GPR17: variants seen among roughly 807,000 people sequenced by gnomAD.
The protein encoded by GPR17 is uracil nucleotide/cysteinyl leukotriene receptor.
A neutral mutation model predicts 1.5 loss-of-function variants in GPR17; 4 were observed. The ratio of observed to expected loss-of-function variants is 2.73; its 90% confidence interval spans 1.35 to 6.25. The LOEUF is 6.25. Ranked by LOEUF, GPR17 falls within the 30% of genes most tolerant of loss-of-function variation. The pLI is 0.00. For synonymous variants in GPR17, 209 were observed against 207.6 expected, an observed-to-expected ratio of 1.01 and a Z score of -0.06; for missense variants, 463 against 462.1, an observed-to-expected ratio of 1.00 and a Z score of -0.02.
At position 127,647,784 on chromosome 2, in the gene GPR17, C is replaced by G. The variant is rs1396896209; in HGVS notation, c.-21+1540C>G. Among the ~76,000 whole-genome samples, 3 of 152,044 alleles carry G rather than the reference C, an allele frequency of 2.0e-5. No homozygotes were observed. The highest frequency in any genetic ancestry group is 4.4e-5 in the Non-Finnish European group (3 of 67,984). On this transcript the variant is annotated intron_variant, in intron 1 of 1. Transcript: ENST00000486700. The surrounding 1 kb of genome is among the most constrained non-coding windows in gnomAD (Gnocchi z 4.3). ...CCTCTCTGCTTGCCCATGCGTCTGC[C>G]CTGGAGCCCTGTTCCTCCAGTCTCC...
chr2:127,648,487 C>T (rs774015847), intron 1 of GPR17, among the ~76,000 whole-genome samples: 37 of 152,158 alleles, frequency 2.4e-4, no homozygotes, highest in Non-Finnish European at 4.4e-4. Flanking sequence ...ACCATGCCTG[C>T]TTCTCCTCCA....
rs1683606555 is a variant in GPR17 at position 127,650,382 on chromosome 2, C to T, written c.-20-334C>T. The stretch of plus-strand genomic sequence containing the variant: ...CAGAACAGAAAACCCAGAGCCTCAC[C>T]CAGGCAAGGCTCACGTCCCATTCCC... On this transcript the variant is annotated intron_variant, in intron 1 of 1. Coordinates refer to ENST00000486700, the MANE Select transcript of GPR17 (RefSeq NM_001161417.2). The T allele has an allele frequency of 5.6e-6, 3 of 532,388 alleles. No individual in the cohort carries two copies. In the South Asian group the frequency reaches 7.3e-5, roughly 13 times the overall value. 33.0% of individuals were successfully genotyped at this position (532,388 alleles called of 1,614,324 possible).
Position 127,651,550 on chromosome 2 carries a change from A to T in GPR17, c.815A>T (p.Gln272Leu). 1 of 1,612,638 alleles carries T rather than the reference A, an allele frequency of 6.2e-7. No individual in the cohort carries two copies. Among genetic ancestry groups the T allele is most frequent in the African/African-American group, 1.3e-5 (1 of 75,078 alleles). The change falls in exon 2 of 2, where the codon CAG (glutamine) becomes CTG (leucine). Residue 272 changes from glutamine (Q) to leucine (L), a missense_variant. Gln to Leu is a moderately radical substitution (Grantham distance 113). Transcript: ENST00000486700. Reference sequence around the variant, plus strand: ...AGCCATGGGGCCTCCTGCGCCACCCAGCGCATCCTGGCCCTGGCAAACCGC... The same window carrying T: ...AGCCATGGGGCCTCCTGCGCCACCCTGCGCATCCTGGCCCTGGCAAACCGC... ...YRSHGASCAT[Q>L]RILALANRIT...
Position 127,651,594 on chromosome 2 carries a change from A to G in GPR17, c.859A>G (p.Ser287Gly). 1.2e-6 allele frequency: 2 copies of G among 1,613,356 alleles called. No individual in the cohort carries two copies. The highest frequency in any genetic ancestry group is 1.7e-6 in the Non-Finnish European group (2 of 1,180,028). ...AAACCGCATCACCTCCTGCCTCACC[A>G]GCCTCAACGGGGCACTCGACCCCAT... ...LANRITSCLT[S>G]LNGALDPIMY... The change falls in exon 2 of 2, where the codon AGC becomes GGC. Residue 287 changes from serine (S) to glycine (G), a missense_variant. Transcript: ENST00000486700.
rs767012328 is a variant in GPR17 at position 127,650,080 on chromosome 2, G to A, written c.-20-636G>A. The A allele has an allele frequency of 2.0e-5, 32 of 1,601,182 alleles. No homozygotes were observed. In the East Asian group the frequency reaches 6.5e-4, roughly 33 times the overall value. On this transcript the variant is annotated intron_variant, in intron 1 of 1. Transcript: ENST00000486700. Reference sequence around the variant, plus strand: ...GAGAGATGCTGAAACTCTCAGGTGGGTAAAAAGAGTAGACCTCTGACGTCC... The same window carrying A: ...GAGAGATGCTGAAACTCTCAGGTGGATAAAAAGAGTAGACCTCTGACGTCC...
Position 127,651,206 on chromosome 2 carries a change from G to A in GPR17, c.471G>A (p.Val157=). The stretch of plus-strand genomic sequence containing the variant: ...ACCTGGCCTGTGCCTTCCTGTGGGT[G>A]GTGGTGGCTGTGGCCATGGCCCCGC... ...YAHLACAFLW[V]VVAVAMAPLL... is the part of the protein sequence containing the mutation. Residue 157 remains valine, a synonymous_variant, in exon 2 of 2, where the codon GTG becomes GTA. Coordinates refer to ENST00000486700, the MANE Select transcript of GPR17 (RefSeq NM_001161417.2). 2 of 1,610,264 alleles carry A rather than the reference G, an allele frequency of 1.2e-6. No homozygotes were observed. Among genetic ancestry groups the A allele is most frequent in the East Asian group, 2.2e-5 (1 of 44,880 alleles).
intron 1 of GPR17, chr2:127,649,846 C>G: frequency 1.6e-6 from 1 of 638,450 alleles, no homozygotes; most frequent in Non-Finnish European, 2.7e-6. Context: ...GATCCGTCCT[C>G]AACAGCGCTG....
At position 127,651,181 on chromosome 2, in the gene GPR17, A is replaced by T; in HGVS notation, c.446A>T (p.His149Leu). 6.2e-7 allele frequency: 1 copy of T among 1,611,948 alleles called. No homozygotes were observed. Residue 149 changes from histidine to leucine, a missense_variant, in exon 2 of 2, where the codon CAC (histidine) becomes CTC (leucine). Physicochemically the swap from His to Leu is moderately conservative, Grantham distance 99. Transcript: ENST00000486700. The stretch of plus-strand genomic sequence containing the variant: ...AAGCTCCGCAGGCCCCTCTACGCAC[A>T]CCTGGCCTGTGCCTTCCTGTGGGTG... ...SLKLRRPLYAHLACAFLWVVV... is the reference protein window; with the variant it reads ...SLKLRRPLYALLACAFLWVVV...
Position 127,650,789 on chromosome 2 carries a change from C to T in GPR17, c.54C>T (p.Ala18=). ...GTCTGATCACCAACTTCTCCCTGGC[C>T]ACGGCAGAGCAATGTGGCCAGGAGA... ...PPGLITNFSL[A]TAEQCGQETP... The change falls in exon 2 of 2, where the codon GCC becomes GCT. Residue 18 remains alanine (A), a synonymous_variant. Coordinates refer to ENST00000486700, the MANE Select transcript of GPR17 (RefSeq NM_001161417.2). 6.2e-7 allele frequency: 1 copy of T among 1,613,792 alleles called. No homozygotes were observed. Among genetic ancestry groups the T allele is most frequent in the Non-Finnish European group, 8.5e-7 (1 of 1,179,748 alleles).
intron 1 of GPR17, chr2:127,648,177 C>A (rs141514188): frequency 0.015 from 14,794 of 985,380 alleles, 135 homozygotes; most frequent in Non-Finnish European, 0.017. Context: ...ATGAGGAACT[C>A]CACATTGGAC....
Position 127,651,869 on chromosome 2 carries a change from GA to G in GPR17, c.*115del. ...CAGCAAGCAACCTGAAATCTCAGCA[GA>G]TGCCCACCATTTCTCTAGATCGCCT... On this transcript the variant is annotated 3_prime_UTR_variant, in exon 2 of 2. Coordinates refer to ENST00000486700, the MANE Select transcript of GPR17 (RefSeq NM_001161417.2). 1.1e-6 allele frequency: 1 copy of G among 944,480 alleles called. No individual in the cohort carries two copies. The highest frequency in any genetic ancestry group is 1.6e-6 in the Non-Finnish European group (1 of 622,000). The allele number at this position is 944,480 out of a possible 1,614,324, so 58.5% of individuals were successfully genotyped here. A position where few individuals can be genotyped will look rare whatever the true frequency, so the allele number is the denominator to read the frequency against.
rs1397352999 is a variant in GPR17, at chr2:127,650,798, G to A, written c.63G>A (p.Glu21=). 8.7e-6 allele frequency: 14 copies of A among 1,612,910 alleles called. No homozygotes were observed. The highest frequency in any genetic ancestry group is 1.2e-5 in the Non-Finnish European group (14 of 1,179,032). The change falls in exon 2 of 2, where the codon GAG becomes GAA. Residue 21 remains glutamate (E), a synonymous_variant. Coordinates refer to ENST00000486700, the MANE Select transcript of GPR17 (RefSeq NM_001161417.2). ...CCAACTTCTCCCTGGCCACGGCAGAGCAATGTGGCCAGGAGACGCCACTGG... is the reference window on the plus strand; with the variant it reads ...CCAACTTCTCCCTGGCCACGGCAGAACAATGTGGCCAGGAGACGCCACTGG... ...LITNFSLATA[E]QCGQETPLEN...
chr2:127,648,326 T>A (rs938028570), intron 1 of GPR17: 10 of 403,770 alleles, frequency 2.5e-5, no homozygotes, highest in African/African-American at 4.3e-5. Context: ...AAAGGTAATA[T>A]TATTAGGTAG....
chr2:127,652,105 G>A lies in GPR17; in HGVS notation c.*350G>A, dbSNP rs1013484154. 1.6e-5 allele frequency: 5 copies of A among 306,850 alleles called. No homozygotes were observed. The highest frequency in any genetic ancestry group is 6.8e-5 in the East Asian group (1 of 14,630). 19.0% of individuals were successfully genotyped at this position (306,850 alleles called of 1,614,324 possible). On this transcript the variant is annotated 3_prime_UTR_variant, in exon 2 of 2. Coordinates refer to ENST00000486700, the MANE Select transcript of GPR17 (RefSeq NM_001161417.2). ...CCTTCCCGCTACAGAATCGCTCATC[G>A]GCGAGGCTCAGCAGAAAGACCCTGA...
At position 127,651,029 on chromosome 2, in the gene GPR17, A is replaced by T. The variant is rs1231849036; in HGVS notation, c.294A>T (p.Pro98=). The change falls in exon 2 of 2, where the codon CCA becomes CCT. Residue 98 remains proline (P), a synonymous_variant. Coordinates refer to ENST00000486700, the MANE Select transcript of GPR17 (RefSeq NM_001161417.2). ...ACCACTTCTCTGGGAACCACTGGCC[A>T]TTTGGGGAAATCGCATGCCGTCTCA... The part of the protein sequence containing the change: ...LVYHFSGNHW[P]FGEIACRLTG... 1.9e-6 allele frequency: 3 copies of T among 1,613,806 alleles called. No individual in the cohort carries two copies. In the Admixed American group the frequency reaches 5.0e-5, roughly 27 times the overall value.
intron 1 of GPR17, chr2:127,649,859 C>T (rs1683525338): frequency 1.5e-6 from 1 of 664,434 alleles, no homozygotes; most frequent in Non-Finnish European, 2.6e-6. Flanking sequence ...CAGCGCTGGC[C>T]AGTGTCTCTG....
rs1458370203 is a variant in GPR17 at position 127,647,968 on chromosome 2, C to G, written c.-21+1724C>G. ...TCCTTTTACCTCTCCTCCACAGCCC[C>G]CTTCACAGCCCTCAGCCCTTCCCCA... On this transcript the variant is annotated intron_variant, in intron 1 of 1. Coordinates refer to ENST00000486700, the MANE Select transcript of GPR17 (RefSeq NM_001161417.2). This position sits in a 1 kb window ranked among gnomAD's most constrained non-coding sequence, Gnocchi z 4.3. 2 of 960,624 alleles carry G rather than the reference C, an allele frequency of 2.1e-6. No individual in the cohort carries two copies. The highest frequency in any genetic ancestry group is 1.8e-5 in the African/African-American group (1 of 56,744). The allele number at this position is 960,624 out of a possible 1,614,324, so 59.5% of individuals were successfully genotyped here.
rs771556622 is a variant in GPR17 at position 127,651,009 on chromosome 2, T to C, written c.274T>C (p.Phe92Leu). 6.2e-7 allele frequency: 1 copy of C among 1,613,826 alleles called. No individual in the cohort carries two copies. The highest frequency in any genetic ancestry group is 1.1e-5 in the South Asian group (1 of 91,086). Residue 92 changes from phenylalanine (F) to leucine (L), a missense_variant, in exon 2 of 2, where the codon TTC (phenylalanine) becomes CTC (leucine). Phe to Leu is a conservative substitution (Grantham distance 22). Transcript: ENST00000486700. ...CCTGCCCACCCGCCTGGTCTACCAC[T>C]TCTCTGGGAACCACTGGCCATTTGG... is the stretch of plus-strand genomic sequence containing the variant. ...LVLPTRLVYHFSGNHWPFGEI... is the reference protein window; with the variant it reads ...LVLPTRLVYHLSGNHWPFGEI...
At chr2:127,649,353 C>T (rs1458318523) in intron 1 of GPR17, among the ~76,000 whole-genome samples, 1 of 152,218 alleles carries the variant, frequency 6.6e-6, no homozygotes, top group Non-Finnish European at 1.5e-5. Context: ...TGGGCACAGG[C>T]AGGATGCCAG....
Sources: allele counts gnomAD v4.1 joint callset (sites outside exome capture counted in the v4.1 genomes callset), GRCh38; gene constraint gnomAD v4.1.1; non-coding constraint Gnocchi (gnomAD v3.1); transcripts MANE v1.5; gene names NCBI Gene and HGNC (gene_info 2026-07-23, HGNC 2026-07-21).